The following PDE1C variants were observed in gnomAD, a reference collection of about 807,000 sequenced individuals.
PDE1C encodes dual specificity calcium/calmodulin-dependent 3',5'-cyclic nucleotide phosphodiesterase 1C.
PDE1C carries 62 observed loss-of-function variants against 93.1 expected under a neutral mutation model. That is an observed-to-expected ratio of 0.67 (90% CI 0.54 to 0.82). PDE1C has a LOEUF of 0.82. Among genes scored for constraint, PDE1C ranks in the 40% least tolerant of loss-of-function variants. The probability of loss-of-function intolerance (pLI) is 0.00; values close to 1 mark genes in which losing one functional copy is unlikely to be tolerated. For missense variants in PDE1C, 742 were observed against 884.6 expected (o/e 0.84, Z 2.04); for synonymous variants, 325 against 310.1 (o/e 1.05, Z -0.50).
At chr7:31,814,805 A>G (rs1161905752) in intron 15 of PDE1C, among the ~76,000 whole-genome samples, 1 of 151,366 alleles carries the variant, frequency 6.6e-6, no homozygotes, top group Admixed American at 6.6e-5. Flanking sequence ...GTGAATAGGT[A>G]TTACTATATA....
intron 1 of PDE1C, among the ~76,000 whole-genome samples, chr7:32,236,292 A>C (rs1808069806): frequency 6.6e-6 from 1 of 152,178 alleles, no homozygotes; most frequent in African/African-American, 2.4e-5. Context: ...GATCCATAAA[A>C]GAAAAAAATA....
At chr7:32,310,315 C>T (rs1485868504) in intron 1 of PDE1C, among the ~76,000 whole-genome samples, 1 of 152,016 alleles carries the variant, frequency 6.6e-6, no homozygotes, top group Non-Finnish European at 1.5e-5. Context: ...GACTTTAACA[C>T]CCCACTGTCA....
chr7:31,823,252 G>A lies in PDE1C; in HGVS notation c.1407-4C>T, dbSNP rs377450460. ...TGACGAGCTGATGCTATTCAAACTG[G>A]AAAACAAAAAAATCATACCAAAGAA... On this transcript the variant is annotated splice_region_variant and splice_polypyrimidine_tract_variant and intron_variant, in intron 13 of 17. Transcript: ENST00000396191. The A allele has an allele frequency of 6.3e-7, 1 of 1,595,258 alleles. No homozygotes were observed. Among genetic ancestry groups the A allele is most frequent in the Admixed American group, 1.8e-5 (1 of 55,148 alleles).
intron 1 of PDE1C, among the ~76,000 whole-genome samples, chr7:32,359,186 A>G (rs771678460): frequency 3.9e-5 from 6 of 152,114 alleles, no homozygotes; most frequent in Non-Finnish European, 1.5e-5. Flanking sequence ...GTCTCTTCCT[A>G]GTAACTTTTC....
chr7:32,149,702 A>G (rs1391233093), intron 3 of PDE1C, among the ~76,000 whole-genome samples: 1 of 152,242 alleles, frequency 6.6e-6, no homozygotes, highest in Non-Finnish European at 1.5e-5. Context: ...ATGTGATCAA[A>G]GGAGTTAAAC....
At chr7:32,205,341 G>A (rs1387172612) in intron 2 of PDE1C, among the ~76,000 whole-genome samples, 1 of 152,202 alleles carries the variant, frequency 6.6e-6, no homozygotes, top group Non-Finnish European at 1.5e-5. Context: ...GCATTGAGGT[G>A]AATCTGGCTG....
chr7:31,808,389 A>C (rs1787121057), intron 16 of PDE1C: 1 of 241,672 alleles, frequency 4.1e-6, no homozygotes, highest in Admixed American at 4.3e-5. Flanking sequence ...AGGCCAGGGC[A>C]GGTGTTTCAA....
rs765945500 is a variant in PDE1C at position 31,864,951 on chromosome 7, T to C, written c.741A>G (p.Thr247=). The C allele has an allele frequency of 6.2e-6, 10 of 1,613,588 alleles. No individual in the cohort carries two copies. The East Asian group carries it at 2.2e-4, about 36-fold the overall frequency. Residue 247 remains threonine (T), a synonymous_variant, in exon 7 of 18, where the codon ACA becomes ACG. Coordinates refer to ENST00000396191, the MANE Select transcript of PDE1C (RefSeq NM_001191057.4). ...TQTVHYLLYK[T]GVANWLTELE... ...TCCTATCCCTACTTACCGCCACTCCTGTCTTATAGAGGAGGTAATGCACTG... is the reference window on the plus strand; with the variant it reads ...TCCTATCCCTACTTACCGCCACTCCCGTCTTATAGAGGAGGTAATGCACTG...
chr7:32,007,308 CAA>C (rs1307494576), intron 2 of PDE1C, among the ~76,000 whole-genome samples: 2 of 152,136 alleles, frequency 1.3e-5, no homozygotes, highest in African/African-American at 4.8e-5. Flanking sequence ...TCTTTTCCCC[CAA>C]AGAGCCACCT....
At chr7:31,867,935 A>C (rs1310810397) in intron 6 of PDE1C, among the ~76,000 whole-genome samples, 1 of 152,260 alleles carries the variant, frequency 6.6e-6, no homozygotes, top group Non-Finnish European at 1.5e-5. Flanking sequence ...TACACTGCTG[A>C]CACGGTTTAC....
chr7:32,115,912 G>A (rs1424083515), intron 3 of PDE1C, among the ~76,000 whole-genome samples: 1 of 152,154 alleles, frequency 6.6e-6, no homozygotes, highest in Admixed American at 6.5e-5. Context: ...GATGTGACTT[G>A]TCAGCAATCC....
chr7:31,741,949 G>A, the PDE1C span, among the ~76,000 whole-genome samples: 2 of 152,200 alleles, frequency 1.3e-5, no homozygotes, highest in Admixed American at 6.5e-5. Context: ...CACATTGTTT[G>A]CTAGCTATTT....
chr7:31,767,708 T>C (rs1029301046), intron 17 of PDE1C, among the ~76,000 whole-genome samples: 10 of 152,340 alleles, frequency 6.6e-5, no homozygotes, highest in African/African-American at 2.4e-4. Context: ...CAGAAATTTA[T>C]TTCTTGCAGT....
At chr7:31,624,435 TG>T in the PDE1C span, among the ~76,000 whole-genome samples, 1 of 128,722 alleles carries the variant, frequency 7.8e-6, no homozygotes, top group South Asian at 3.0e-4. Context: ...TATAGATCAA[TG>T]GAACAGAACA....
chr7:31,976,302 A>G (rs1436436022), intron 2 of PDE1C, among the ~76,000 whole-genome samples: 2 of 152,220 alleles, frequency 1.3e-5, no homozygotes, highest in African/African-American at 4.8e-5. Flanking sequence ...ATGATATATG[A>G]AAGGATAAAA....
intron 2 of PDE1C, among the ~76,000 whole-genome samples, chr7:32,031,494 G>C (rs1164592171): frequency 2.6e-5 from 4 of 152,136 alleles, no homozygotes; most frequent in African/African-American, 9.7e-5. Context: ...GGAGAGAATA[G>C]GGTGGAATCA....
intron 1 of PDE1C, among the ~76,000 whole-genome samples, chr7:32,268,041 G>A (rs1810730121): frequency 1.3e-5 from 2 of 152,218 alleles, no homozygotes; most frequent in African/African-American, 4.8e-5. Context: ...ACTAGGTGCA[G>A]TGGTCATAGG....
At chr7:32,362,429 G>T (rs1367862415) in intron 1 of PDE1C, among the ~76,000 whole-genome samples, 2 of 152,078 alleles carry the variant, frequency 1.3e-5, no homozygotes, top group Admixed American at 1.3e-4. Flanking sequence ...AGTGGCTTTG[G>T]TCAATTAATG....
chr7:32,325,957 AG>A (rs1029223512), intron 1 of PDE1C, among the ~76,000 whole-genome samples: 1 of 152,200 alleles, frequency 6.6e-6, no homozygotes, highest in Admixed American at 6.5e-5. Context: ...GGCTTGGATC[AG>A]GGTGGAGAAG....
Sources: gnomAD v4.1 joint callset for allele counts (sites outside exome capture counted in the v4.1 genomes callset) on GRCh38, gnomAD v4.1.1 for gene constraint, MANE v1.5 for transcripts, NCBI Gene and HGNC (gene_info 2026-07-23, HGNC 2026-07-21) for gene names.